The following CLDN10 variants were observed in gnomAD, a reference collection of about 807,000 sequenced individuals.
The protein encoded by CLDN10 is claudin-10.
In CLDN10, 15 loss-of-function variants were observed where a neutral mutation model predicts 22.9. The ratio of observed to expected loss-of-function variants is 0.65; its 90% CI spans 0.44 to 1.01. The LOEUF (loss-of-function observed/expected upper bound fraction) is 1.01. Among genes scored for constraint, CLDN10 ranks in the 50% least tolerant of loss-of-function variants. The pLI is 0.00. For synonymous variants in CLDN10, 114 were observed against 111.4 expected (o/e 1.02, Z -0.15); for missense variants, 247 against 287.8 (o/e 0.86, Z 1.03).
At chr13:95,484,865 CAA>C (rs746231195) in intron 1 of CLDN10, among the ~76,000 whole-genome samples, 7 of 93,616 alleles carry the variant, frequency 7.5e-5, no homozygotes, top group South Asian at 8.1e-4. Context: ...GACCCTGTCT[CAA>C]AAAAAAAAAA....
chr13:95,503,481 G>A (rs137874754), intron 1 of CLDN10, among the ~76,000 whole-genome samples: 140 of 152,240 alleles, frequency 9.2e-4, no homozygotes, highest in African/African-American at 1.9e-3. Context: ...TAGAAATTCC[G>A]CTTCTGGTTA....
chr13:95,577,431 C>G, intron 4 of CLDN10, 93 bp downstream of exon 4: 1 of 848,294 alleles, frequency 1.2e-6, no homozygotes, highest in South Asian at 1.5e-5. Flanking sequence ...TCATATGATT[C>G]TTAGAAACTT....
intron 1 of CLDN10, among the ~76,000 whole-genome samples, chr13:95,453,525 A>C (rs1594528990): frequency 6.6e-6 from 1 of 151,972 alleles, no homozygotes; most frequent in Non-Finnish European, 1.5e-5. Context: ...TCTACTAAAA[A>C]TACAAAAACT....
At chr13:95,493,066 G>A (rs967943206) in intron 1 of CLDN10, among the ~76,000 whole-genome samples, 1 of 152,138 alleles carries the variant, frequency 6.6e-6, no homozygotes, top group Admixed American at 6.5e-5. Context: ...CCTTCAGAGG[G>A]TCTGCGGCTC....
At chr13:95,576,651 C>T (rs190113963) in intron 3 of CLDN10, among the ~76,000 whole-genome samples, 2 of 152,304 alleles carry the variant, frequency 1.3e-5, no homozygotes, top group African/African-American at 4.8e-5. Context: ...TTTATCTTTG[C>T]ATCTGCTCCT....
intron 1 of CLDN10, among the ~76,000 whole-genome samples, chr13:95,531,199 G>A (rs753120520): frequency 5.9e-5 from 9 of 152,234 alleles, no homozygotes; most frequent in South Asian, 4.1e-4. Context: ...ATTACCAGGC[G>A]TGAGCCACCA....
rs186238836 is a variant in CLDN10 at position 95,487,787 on chromosome 13, A to G, written c.214+53740A>G. Among the ~76,000 whole-genome samples the G allele has an allele frequency of 2.2e-3, 332 of 150,084 alleles. 1 individual carries two copies. Among genetic ancestry groups the G allele is most frequent in the Non-Finnish European group, 3.8e-3 (258 of 67,580 alleles). Reference sequence around the variant, plus strand: ...CCTCCCAGATTCAAATGACCCTCCCACCTCAGCTTCCCGAGTATCTAGGAC... The same window carrying G: ...CCTCCCAGATTCAAATGACCCTCCCGCCTCAGCTTCCCGAGTATCTAGGAC... On this transcript the variant is annotated intron_variant, in intron 1 of 4. Transcript: ENST00000376873.
intron 1 of CLDN10, among the ~76,000 whole-genome samples, chr13:95,553,699 C>G (rs1267959855): frequency 6.6e-6 from 1 of 152,218 alleles, no homozygotes; most frequent in Non-Finnish European, 1.5e-5. Flanking sequence ...CTGACCAGTT[C>G]TGCATCCGAG....
intron 1 of CLDN10, among the ~76,000 whole-genome samples, chr13:95,438,488 G>A (rs2042293801): frequency 6.6e-6 from 1 of 152,188 alleles, no homozygotes. Context: ...CATCTGGGTT[G>A]AGATAGGTTT....
intron 1 of CLDN10, among the ~76,000 whole-genome samples, chr13:95,466,226 T>A (rs1459256881): frequency 7.2e-5 from 11 of 152,112 alleles, no homozygotes; most frequent in Non-Finnish European, 1.6e-4. Context: ...AGGATTTTAC[T>A]ATTCACTAAA....
intron 1 of CLDN10, among the ~76,000 whole-genome samples, chr13:95,434,411 G>T (rs184679661): frequency 6.8e-6 from 1 of 147,428 alleles, no homozygotes; most frequent in East Asian, 2.0e-4. Context: ...ATTTAAACTT[G>T]TCTCTCCCTC....
At chr13:95,498,577 T>G (rs560969571) in intron 1 of CLDN10, among the ~76,000 whole-genome samples, 58 of 152,174 alleles carry the variant, frequency 3.8e-4, no homozygotes, top group African/African-American at 1.4e-3. Flanking sequence ...GTATTTTTAG[T>G]AGAGATGGGG....
At chr13:95,436,360 G>T (rs2042271771) in intron 1 of CLDN10, among the ~76,000 whole-genome samples, 1 of 151,924 alleles carries the variant, frequency 6.6e-6, no homozygotes. Flanking sequence ...ATTTTTAAAG[G>T]TTTCTGTAGA....
intron 1 of CLDN10, among the ~76,000 whole-genome samples, chr13:95,469,562 A>G (rs971249417): frequency 6.6e-6 from 1 of 152,218 alleles, no homozygotes; most frequent in African/African-American, 2.4e-5. Flanking sequence ...ACTAAGATCC[A>G]GCAGTGTCTA....
intron 1 of CLDN10, among the ~76,000 whole-genome samples, chr13:95,532,601 C>T (rs2043355708): frequency 6.6e-6 from 1 of 151,640 alleles, no homozygotes; most frequent in Admixed American, 6.6e-5. Flanking sequence ...TAAAACTAAA[C>T]ATACACTTAC....
chr13:95,500,820 A>C (rs1321070991), intron 1 of CLDN10, among the ~76,000 whole-genome samples: 1 of 151,998 alleles, frequency 6.6e-6, no homozygotes, highest in Non-Finnish European at 1.5e-5. Flanking sequence ...TAGAGAAGTG[A>C]CCTCATTTTC....
intron 1 of CLDN10, among the ~76,000 whole-genome samples, chr13:95,496,851 C>T (rs2042935021): frequency 6.6e-6 from 1 of 152,192 alleles, no homozygotes; most frequent in African/African-American, 2.4e-5. Context: ...ACATGACACT[C>T]CTTTTGTTTT....
chr13:95,561,585 A>G (rs1016064986), intron 3 of CLDN10, among the ~76,000 whole-genome samples: 2 of 152,220 alleles, frequency 1.3e-5, no homozygotes, highest in African/African-American at 4.8e-5. Context: ...GAAAGAGGCC[A>G]AGTGATGTGT....
chr13:95,472,565 G>A (rs1308381778), intron 1 of CLDN10, among the ~76,000 whole-genome samples: 2 of 151,708 alleles, frequency 1.3e-5, no homozygotes, highest in Non-Finnish European at 2.9e-5. Flanking sequence ...AGGTACTTGG[G>A]AAGCTAAGGC....
Sources: allele counts gnomAD v4.1 joint callset (sites outside exome capture counted in the v4.1 genomes callset), GRCh38; gene constraint gnomAD v4.1.1; transcripts MANE v1.5; gene names NCBI Gene and HGNC (gene_info 2026-07-23, HGNC 2026-07-21).